Variants in PTPRD observed in about 807,000 individuals in gnomAD.
PTPRD encodes protein tyrosine phosphatase receptor type D.
A neutral mutation model predicts 214.5 loss-of-function variants in PTPRD; 34 were observed. The observed-to-expected ratio is 0.16, with a 90% CI of 0.12 to 0.21. The LOEUF is 0.21. Among genes scored for constraint, PTPRD ranks in the 10% least tolerant of loss-of-function variants. The pLI, the probability that PTPRD is intolerant of heterozygous loss-of-function variation, is 1.00. For synonymous variants in PTPRD, 1,128 were observed against 845.7 expected (o/e 1.33, Z -5.79); for missense variants, 2,545 against 2,398.7 (o/e 1.06, Z -1.27).
At chr9:8,702,379 G>A (rs2098108608) in intron 12 of PTPRD, among the ~76,000 whole-genome samples, 1 of 151,866 alleles carries the variant, frequency 6.6e-6, no homozygotes, top group Admixed American at 6.6e-5. Flanking sequence ...CTTCTCAGTT[G>A]GATCAGCATA....
chr9:9,221,582 T>A (rs35917091), intron 9 of PTPRD, among the ~76,000 whole-genome samples: 29 of 151,932 alleles, frequency 1.9e-4, no homozygotes, highest in Admixed American at 4.6e-4. Flanking sequence ...GTGTGCTCCA[T>A]GGCAGAGACA....
intron 3 of PTPRD, among the ~76,000 whole-genome samples, chr9:10,096,196 G>A (rs2098482302): frequency 6.6e-6 from 1 of 151,584 alleles, no homozygotes; most frequent in Non-Finnish European, 1.5e-5. Flanking sequence ...ATTGGGCACT[G>A]GTCTGACATA....
intron 8 of PTPRD, among the ~76,000 whole-genome samples, chr9:9,455,376 A>G (rs2092842332): frequency 6.6e-6 from 1 of 151,554 alleles, no homozygotes; most frequent in African/African-American, 2.4e-5. Context: ...ATGTCTCTCT[A>G]GTTTCATTTT....
chr9:10,264,913 T>C (rs142011967), intron 3 of PTPRD, among the ~76,000 whole-genome samples: 4,450 of 152,228 alleles, frequency 0.029, 206 homozygotes, highest in African/African-American at 0.1. Context: ...CTCATGGTAG[T>C]GAATAAGTCT....
At chr9:9,752,452 A>G (rs1334874891) in intron 6 of PTPRD, among the ~76,000 whole-genome samples, 1 of 152,092 alleles carries the variant, frequency 6.6e-6, no homozygotes, top group African/African-American at 2.4e-5. Flanking sequence ...AACAGTTTAC[A>G]GTGGAAAAGC....
At chr9:10,594,423 C>G (rs1459598374) in intron 2 of PTPRD, among the ~76,000 whole-genome samples, 1 of 151,916 alleles carries the variant, frequency 6.6e-6, no homozygotes, top group Non-Finnish European at 1.5e-5. Flanking sequence ...AATACCAAAT[C>G]AGTCTAAATG....
intron 5 of PTPRD, among the ~76,000 whole-genome samples, chr9:9,852,322 T>C (rs149556228): frequency 0.012 from 1,812 of 152,192 alleles, 26 homozygotes; most frequent in African/African-American, 0.041. Flanking sequence ...GGCCAAGACA[T>C]TGAAAAACAA....
At chr9:10,239,913 C>G (rs546171003) in intron 3 of PTPRD, among the ~76,000 whole-genome samples, 1 of 151,922 alleles carries the variant, frequency 6.6e-6, no homozygotes, top group African/African-American at 2.4e-5. Flanking sequence ...CCAAAGCCAG[C>G]TGTAAAACCT....
intron 4 of PTPRD, among the ~76,000 whole-genome samples, chr9:10,024,157 T>C (rs2096876521): frequency 6.6e-6 from 1 of 152,158 alleles, no homozygotes; most frequent in South Asian, 2.1e-4. Flanking sequence ...AATGTTTCAG[T>C]AATGTATAAT....
chr9:8,736,721 G>A (rs1211675760), intron 11 of PTPRD, among the ~76,000 whole-genome samples: 1 of 150,370 alleles, frequency 6.7e-6, no homozygotes, highest in African/African-American at 2.4e-5. Flanking sequence ...TTTTTAAACA[G>A]TGGGTTGGCA....
At chr9:9,491,632 A>T (rs1279120003) in intron 8 of PTPRD, among the ~76,000 whole-genome samples, 1 of 152,050 alleles carries the variant, frequency 6.6e-6, no homozygotes, top group Non-Finnish European at 1.5e-5. Context: ...TTAAAAACAC[A>T]AGTAAAACTG....
chr9:9,422,800 T>G (rs1298376894), intron 8 of PTPRD, among the ~76,000 whole-genome samples: 1 of 152,136 alleles, frequency 6.6e-6, no homozygotes, highest in Non-Finnish European at 1.5e-5. Context: ...TTGAGATAGT[T>G]TTCCTTGAGA....
At chr9:10,013,475 A>T (rs1319597275) in intron 4 of PTPRD, among the ~76,000 whole-genome samples, 2 of 151,680 alleles carry the variant, frequency 1.3e-5, no homozygotes, top group Non-Finnish European at 3.0e-5. Flanking sequence ...AAGCCATACC[A>T]AAAGGGCAGG....
At chr9:9,695,675 G>A (rs995477751) in intron 7 of PTPRD, among the ~76,000 whole-genome samples, 4 of 151,856 alleles carry the variant, frequency 2.6e-5, no homozygotes, top group Non-Finnish European at 5.9e-5. Flanking sequence ...GTTTGTTCTC[G>A]GTTTTGTTAA....
At chr9:8,321,425 C>G (rs1201161342) in intron 44 of PTPRD, among the ~76,000 whole-genome samples, 1 of 141,926 alleles carries the variant, frequency 7.0e-6, no homozygotes. Context: ...ATTTTCAGAA[C>G]ATTCCTAAAT....
At chr9:10,029,049 C>T (rs927302743) in intron 4 of PTPRD, among the ~76,000 whole-genome samples, 2 of 152,280 alleles carry the variant, frequency 1.3e-5, no homozygotes, top group African/African-American at 4.8e-5. Context: ...AAGGGGCCAA[C>T]ATAGAGCTCA....
chr9:10,417,905 G>A (rs905811840), intron 2 of PTPRD, among the ~76,000 whole-genome samples: 9 of 151,270 alleles, frequency 5.9e-5, no homozygotes, highest in Non-Finnish European at 8.9e-5. Flanking sequence ...TTCATTAAAT[G>A]AATCTAGATG....
At chr9:10,352,881 G>C (rs1565483035) in intron 2 of PTPRD, among the ~76,000 whole-genome samples, 1 of 151,840 alleles carries the variant, frequency 6.6e-6, no homozygotes, top group Non-Finnish European at 1.5e-5. Flanking sequence ...CCCTCTTTAA[G>C]CATAATACTG....
intron 39 of PTPRD, among the ~76,000 whole-genome samples, chr9:8,367,906 C>T (rs1297017161): frequency 1.3e-5 from 2 of 152,166 alleles, no homozygotes; most frequent in Non-Finnish European, 2.9e-5. Flanking sequence ...AGAAATACCA[C>T]TATTATCCCC....
Sources: gnomAD v4.1 joint callset for allele counts (sites outside exome capture counted in the v4.1 genomes callset) on GRCh38, gnomAD v4.1.1 for gene constraint, MANE v1.5 for transcripts, NCBI Gene and HGNC (gene_info 2026-07-23, HGNC 2026-07-21) for gene names.